Variants in NACA observed in about 807,000 individuals in gnomAD.
NACA encodes the protein nascent polypeptide-associated complex subunit alpha.
NACA carries 42 observed loss-of-function variants against 86.4 expected under a neutral mutation model. The ratio of observed to expected loss-of-function variants is 0.49; its 90% CI spans 0.38 to 0.63. The LOEUF is 0.63. Among genes scored for constraint, NACA ranks in the 20% least tolerant of loss-of-function variants. The pLI is 0.00. For synonymous variants in NACA, 898 were observed against 973.7 expected, an observed-to-expected ratio of 0.92 and a Z score of 1.45; for missense variants, 2,157 against 2,483.6, an observed-to-expected ratio of 0.87 and a Z score of 2.80.
chr12:56,715,590 T>C (rs899615628), intron 3 of NACA, among the ~76,000 whole-genome samples: 4 of 152,050 alleles, frequency 2.6e-5, no homozygotes, highest in African/African-American at 9.7e-5. Flanking sequence ...TCAGATCAAT[T>C]AGGTAAAATA....
Position 56,715,044 on chromosome 12 carries a change from G to C in NACA, c.5660-357C>G, listed in dbSNP as rs78652190. Among the ~76,000 whole-genome samples, 82 of 152,252 alleles carry C rather than the reference G, an allele frequency of 5.4e-4. 1 individual carries two copies. In the East Asian group the frequency reaches 0.014, roughly 26 times the overall value. On this transcript the variant is annotated intron_variant, in intron 3 of 8. Transcript: ENST00000454682. ...TTTACCCAATAGTCCAATTATCCCTGTAAAGTTCTGTCAGAAGGTGCCCCC... is the reference window on the plus strand; with the variant it reads ...TTTACCCAATAGTCCAATTATCCCTCTAAAGTTCTGTCAGAAGGTGCCCCC...
In NACA at chr12:56,720,030, A is replaced by G; in HGVS notation, c.1500T>C (p.Thr500=). 6.2e-7 allele frequency: 1 copy of G among 1,613,830 alleles called. No homozygotes were observed. Among genetic ancestry groups the G allele is most frequent in the Non-Finnish European group, 8.5e-7 (1 of 1,179,850 alleles). The change falls in exon 3 of 9, where the codon ACT becomes ACC. Residue 500 remains threonine (T), a synonymous_variant. Coordinates refer to ENST00000454682, the MANE Select transcript of NACA (RefSeq NM_001365896.1). ...GAGGAGGAGAGACTGGTATCCTCAG[A>G]GTGGTTGCTACTTGAGTAGAAGGCT... The part of the protein sequence containing the change: ...PKEPSTQVAT[T]LRIPVSPPLP...
Position 56,720,214 on chromosome 12 carries a change from G to A in NACA, c.1316C>T (p.Thr439Ile). The A allele has an allele frequency of 1.9e-6, 3 of 1,613,994 alleles. No homozygotes were observed. Among genetic ancestry groups the A allele is most frequent in the Non-Finnish European group, 2.5e-6 (3 of 1,179,900 alleles). ...AQMPVSSVGT[T>I]PLVVTNPCTI... ...ACAGGGGTTAGTCACCACAAGTGGG[G>A]TGGTTCCAACAGAAGAAACGGGCAT... The change falls in exon 3 of 9, where the codon ACC becomes ATC. Residue 439 changes from threonine (T) to isoleucine (I), a missense_variant. This residue lies in a region of NACA where 947 missense variants were observed against 917.9 expected (regional missense o/e 1.03). Coordinates refer to ENST00000454682, the MANE Select transcript of NACA (RefSeq NM_001365896.1).
chr12:56,719,513 C>T lies in NACA; in HGVS notation c.2017G>A (p.Ala673Thr), dbSNP rs1432096392. 1 of 1,613,910 alleles carries T rather than the reference C, an allele frequency of 6.2e-7. No homozygotes were observed. The highest frequency in any genetic ancestry group is 1.1e-5 in the South Asian group (1 of 91,084). The change falls in exon 3 of 9, where the codon GCC becomes ACC. Residue 673 changes from alanine (A) to threonine (T), a missense_variant. By Grantham distance (58) the Ala-to-Thr change is moderately conservative. Coordinates refer to ENST00000454682, the MANE Select transcript of NACA (RefSeq NM_001365896.1). ...AKGTSTYTTTASPFLEGTVSL... is the reference protein window; with the variant it reads ...AKGTSTYTTTTSPFLEGTVSL... ...ACAGTTCCTTCTAGAAAAGGGCTGG[C>T]TGTAGTTGTATAAGTTGAGGTACCT...
In NACA at chr12:56,719,961, C is replaced by T; in HGVS notation, c.1569G>A (p.Leu523=). The change falls in exon 3 of 9, where the codon TTG becomes TTA. Residue 523 remains leucine (L), a synonymous_variant. Transcript: ENST00000454682. ...EDLKNLPSSV[L]VKFPTQKDLQ... ...GGTCTTTTTGTGTTGGAAATTTAACCAATACTGAACTGGGGAGATTTTTGA... is the reference window on the plus strand; with the variant it reads ...GGTCTTTTTGTGTTGGAAATTTAACTAATACTGAACTGGGGAGATTTTTGA... 1 of 1,613,710 alleles carries T rather than the reference C, an allele frequency of 6.2e-7. No individual in the cohort carries two copies. The highest frequency in any genetic ancestry group is 1.3e-5 in the African/African-American group (1 of 74,934).
intron 2 of NACA, among the ~76,000 whole-genome samples, chr12:56,722,867 A>G (rs1048529899): frequency 8.2e-6 from 1 of 122,334 alleles, no homozygotes; most frequent in Admixed American, 1.1e-4. Flanking sequence ...CAAATGCTCA[A>G]TGCTTAGAAG....
intron 5 of NACA, 149 bp from the exon 6 acceptor site, chr12:56,713,832 A>G: frequency 2.5e-6 from 2 of 785,752 alleles, no homozygotes. Flanking sequence ...TGCCGTAGTA[A>G]CTTCTGTTAC....
Position 56,725,195 on chromosome 12 carries a change from G to C in NACA, c.-3+68C>G, listed in dbSNP as rs112233962. 4.2e-3 allele frequency: 643 copies of C among 152,550 alleles called. 6 individuals are homozygous for C. The highest frequency in any genetic ancestry group is 6.8e-3 in the Non-Finnish European group (462 of 68,184). The allele number at this position is 152,550 out of a possible 1,614,324, so 9.4% of individuals were successfully genotyped here. ...CAACTCTCCTTAACTCTCAGTCCCCGGGGCGGCTTAGCCCGAAAGAAAGGC... is the reference window on the plus strand; with the variant it reads ...CAACTCTCCTTAACTCTCAGTCCCCCGGGCGGCTTAGCCCGAAAGAAAGGC... On this transcript the variant is annotated intron_variant, in intron 1 of 8. Transcript: ENST00000454682.
rs1953503950 is a variant in NACA, at chr12:56,719,355, C to A, written c.2175G>T (p.Val725=). The part of the protein sequence containing the change: ...QNTCAPLATL[V]LAPEIPKSVP... Reference sequence around the variant, plus strand: ...CAGACTTTGGGATTTCAGGGGCCAGCACTAAGGTAGCCAGAGGAGCACAGG... The same window carrying A: ...CAGACTTTGGGATTTCAGGGGCCAGAACTAAGGTAGCCAGAGGAGCACAGG... Residue 725 remains valine, a synonymous_variant, in exon 3 of 9, where the codon GTG becomes GTT. Transcript: ENST00000454682. 6.2e-7 allele frequency: 1 copy of A among 1,609,278 alleles called. No homozygotes were observed. The highest frequency in any genetic ancestry group is 2.2e-5 in the East Asian group (1 of 44,742).
In NACA at chr12:56,716,522, T is replaced by C. The variant is rs758001898; in HGVS notation, c.5008A>G (p.Lys1670Glu). Reference protein sequence around the residue: ...KMGATVPQASKGLPAKKGPTA... With the variant: ...KMGATVPQASEGLPAKKGPTA... ...GGGCCTTTCTTTGCTGGAAGCCCTT[T>C]AGATGCTTGAGGAACAGTGGCCCCC... Residue 1670 changes from lysine (K) to glutamate (E), a missense_variant, in exon 3 of 9, where the codon AAA (lysine) becomes GAA (glutamate). Physicochemically the swap from Lys to Glu is moderately conservative, Grantham distance 56 (BLOSUM62 1). Transcript: ENST00000454682. 4.7e-6 allele frequency: 7 copies of C among 1,487,732 alleles called. No individual in the cohort carries two copies. In the South Asian group the frequency reaches 6.7e-5, roughly 14 times the overall value. The allele number at this position is 1,487,732 out of a possible 1,614,324, so 92.2% of individuals were successfully genotyped here.
intron 3 of NACA, 33 bp downstream of exon 3, chr12:56,715,838 C>T (rs1457163190): frequency 1.3e-6 from 2 of 1,490,906 alleles, no homozygotes; most frequent in African/African-American, 1.4e-5. Flanking sequence ...GGACGACAGA[C>T]ACACCATGCA....
chr12:56,716,698 T>C lies in NACA; in HGVS notation c.4832A>G (p.Lys1611Arg), dbSNP rs1382405131. Residue 1611 changes from lysine to arginine, a missense_variant, in exon 3 of 9, where the codon AAA (lysine) becomes AGA (arginine). Lys to Arg is a conservative substitution (Grantham distance 26, BLOSUM62 2). Coordinates refer to ENST00000454682, the MANE Select transcript of NACA (RefSeq NM_001365896.1). ...IPPAVTSPSPKEAPTPPAVTP... is the reference protein window; with the variant it reads ...IPPAVTSPSPREAPTPPAVTP... ...CACAGCTGGAGGAGTAGGTGCCTCT[T>C]TGGGGGAAGGAGAAGTCACAGCTGG... The C allele has an allele frequency of 7.1e-7, 1 of 1,409,280 alleles. No individual in the cohort carries two copies. The highest frequency in any genetic ancestry group is 9.5e-7 in the Non-Finnish European group (1 of 1,056,498). 87.3% of individuals were successfully genotyped at this position (1,409,280 alleles called of 1,614,324 possible).
At position 56,719,708 on chromosome 12, in the gene NACA, TA is replaced by T. The variant is rs769570937; in HGVS notation, c.1821del (p.Ser607ArgfsTer2). ...GAGTTAACACCCAGAGGGGAGGTCA[TA>T]CTGCTGGCTGGCTTACCTATAGGGA... is the stretch of plus-strand genomic sequence containing the variant. The part of the protein sequence containing the change: ...EPLPIGKPAS[S>X]MTSPLGVNSS... On this transcript the variant is annotated frameshift_variant, in exon 3 of 9. Coordinates refer to ENST00000454682, the MANE Select transcript of NACA (RefSeq NM_001365896.1). LOFTEE classifies it high-confidence loss of function. 14 of 1,613,950 alleles carry T rather than the reference TA, an allele frequency of 8.7e-6. No homozygotes were observed. In the South Asian group the frequency reaches 1.4e-4, roughly 16 times the overall value.
chr12:56,716,293 G>C lies in NACA; in HGVS notation c.5237C>G (p.Ser1746Ter). 6.2e-7 allele frequency: 1 copy of C among 1,613,276 alleles called. No individual in the cohort carries two copies. Among genetic ancestry groups the C allele is most frequent in the Non-Finnish European group, 8.5e-7 (1 of 1,179,814 alleles). ...AGCATCTTTGCCTTTTGCTGTCTTT[G>C]AAGAGTCTTTCTGAACAGGGAGTAG... is the stretch of plus-strand genomic sequence containing the variant. ...APLLPVQKDSSKTAKGKDASH... is the reference protein window; with the variant it reads ...APLLPVQKDS The change falls in exon 3 of 9, where the codon TCA (serine) becomes TGA (stop). Residue 1746 changes from serine to a stop codon, truncating the protein, a stop_gained. Coordinates refer to ENST00000454682, the MANE Select transcript of NACA (RefSeq NM_001365896.1). LOFTEE classifies it high-confidence loss of function.
In NACA at chr12:56,717,083, G is replaced by T; in HGVS notation, c.4447C>A (p.Gln1483Lys). The T allele has an allele frequency of 8.1e-7, 1 of 1,232,104 alleles. No individual in the cohort carries two copies. Among genetic ancestry groups the T allele is most frequent in the Non-Finnish European group, 1.0e-6 (1 of 968,796 alleles). The allele number at this position is 1,232,104 out of a possible 1,614,324, so 76.3% of individuals were successfully genotyped here. Residue 1483 changes from glutamine to lysine, a missense_variant, in exon 3 of 9, where the codon CAA (glutamine) becomes AAA (lysine). Physicochemically the swap from Gln to Lys is moderately conservative, Grantham distance 53. Transcript: ENST00000454682. ...PSPKEPPAPK[Q>K]VATSSSPKKA... The stretch of plus-strand genomic sequence containing the variant: ...TTGGGAGAGGAAGAAGTGGCAACTT[G>T]TTTGGGGGCTGGGGGCTCCTTGGGG...
intron 2 of NACA, among the ~76,000 whole-genome samples, chr12:56,722,669 G>A (rs1953604628): frequency 6.7e-6 from 1 of 150,072 alleles, no homozygotes; most frequent in African/African-American, 2.4e-5. Flanking sequence ...TCCAGCCTGG[G>A]TGACAGGGTG....
chr12:56,717,247 G>A lies in NACA; in HGVS notation c.4283C>T (p.Pro1428Leu), dbSNP rs780860127. The change falls in exon 3 of 9, where the codon CCA becomes CTA. Residue 1428 changes from proline to leucine, a missense_variant. Physicochemically the swap from Pro to Leu is moderately conservative, Grantham distance 98. Transcript: ENST00000454682. ...TPVTREGAAT[P>L]SKGDLTPPAV... ...TGGGGGAGTGAGATCTCCTTTGGAT[G>A]GGGTGGCTGCGCCTTCTCTGGTGAC... is the stretch of plus-strand genomic sequence containing the variant. 6.3e-5 allele frequency: 84 copies of A among 1,332,214 alleles called. 2 individuals carry two copies. In the South Asian group the frequency reaches 1.1e-3, roughly 18 times the overall value. 82.5% of individuals were successfully genotyped at this position (1,332,214 alleles called of 1,614,324 possible). A position where few individuals can be genotyped will look rare whatever the true frequency, so the allele number is the denominator to read the frequency against.
chr12:56,719,257 G>T lies in NACA; in HGVS notation c.2273C>A (p.Ser758Ter), dbSNP rs1255080575. The T allele has an allele frequency of 5.8e-6, 9 of 1,550,352 alleles. No homozygotes were observed. Among genetic ancestry groups the T allele is most frequent in the South Asian group, 1.1e-5 (1 of 89,542 alleles). The change falls in exon 3 of 9, where the codon TCA (serine) becomes TAA (stop). Residue 758 changes from serine to a stop codon, truncating the protein, a stop_gained. Transcript: ENST00000454682. LOFTEE classifies it high-confidence loss of function. ...AGAGGAAGCAACAGGTGCCAATGCT[G>T]AAGTATGAGAAATACCATCAACCTT... ...TKKVDGISHT[S>*]ALAPVASSPK...
intron 2 of NACA, among the ~76,000 whole-genome samples, chr12:56,722,160 C>A (rs1223984709): frequency 1.3e-5 from 2 of 152,200 alleles, no homozygotes; most frequent in African/African-American, 4.8e-5. Context: ...CACTTAGCTT[C>A]TTTATACCTT....
Sources: gnomAD v4.1 joint callset for allele counts (sites outside exome capture counted in the v4.1 genomes callset) on GRCh38, gnomAD v4.1.1 for gene constraint, gnomAD v4.1.1 regional missense constraint, MANE v1.5 for transcripts, NCBI Gene and HGNC (gene_info 2026-07-23, HGNC 2026-07-21) for gene names.